OR9Q1: variants seen among roughly 807,000 people sequenced by gnomAD.
OR9Q1 encodes the protein olfactory receptor family 9 subfamily Q member 1.
For synonymous variants in OR9Q1, 153 were observed against 148.6 expected (o/e 1.03, Z -0.22); for missense variants, 374 against 378.8 (o/e 0.99, Z 0.11).
At chr11:58,135,467 C>T (rs1854180955) in intron 2 of OR9Q1, among the ~76,000 whole-genome samples, 1 of 152,260 alleles carries the variant, frequency 6.6e-6, no homozygotes, top group Non-Finnish European at 1.5e-5. Context: ...TGAATAGCAG[C>T]CAAGGCATCT....
intron 2 of OR9Q1, among the ~76,000 whole-genome samples, chr11:58,070,012 T>A (rs1853471309): frequency 6.6e-6 from 1 of 151,948 alleles, no homozygotes; most frequent in Non-Finnish European, 1.5e-5. Context: ...TTATTTTTAT[T>A]TTGATTTGAG....
chr11:58,098,516 A>G, intron 2 of OR9Q1, among the ~76,000 whole-genome samples: 1 of 152,090 alleles, frequency 6.6e-6, no homozygotes, highest in East Asian at 1.9e-4. Flanking sequence ...TTGGAGTTTT[A>G]AAAATCTATT....
At chr11:58,115,227 G>A (rs560339699) in intron 2 of OR9Q1, among the ~76,000 whole-genome samples, 13 of 152,164 alleles carry the variant, frequency 8.5e-5, no homozygotes, top group Non-Finnish European at 1.3e-4. Context: ...ATTGATATAC[G>A]TATGCACTGT....
chr11:58,106,159 CTT>C (rs34637003), intron 2 of OR9Q1, among the ~76,000 whole-genome samples: 5 of 144,456 alleles, frequency 3.5e-5, no homozygotes, highest in Admixed American at 6.9e-5. Flanking sequence ...CATTTGCTAT[CTT>C]TTTTTTTTTT....
intron 2 of OR9Q1, among the ~76,000 whole-genome samples, chr11:58,140,990 A>G (rs1367251478): frequency 6.6e-6 from 1 of 152,138 alleles, no homozygotes; most frequent in East Asian, 1.9e-4. Flanking sequence ...TTCTCCTTGA[A>G]GAGGTCCTTC....
At chr11:58,061,600 C>T (rs534508861) in intron 2 of OR9Q1, among the ~76,000 whole-genome samples, 4 of 152,324 alleles carry the variant, frequency 2.6e-5, no homozygotes, top group South Asian at 2.1e-4. Context: ...TCTAGCTCTT[C>T]GGCTTCCCAG....
chr11:58,139,214 A>C (rs1322046883), intron 2 of OR9Q1, among the ~76,000 whole-genome samples: 1 of 152,104 alleles, frequency 6.6e-6, no homozygotes, highest in Non-Finnish European at 1.5e-5. Flanking sequence ...GATAAAAAGG[A>C]GGATAATCTT....
intron 2 of OR9Q1, among the ~76,000 whole-genome samples, chr11:58,135,186 G>T (rs1201847614): frequency 6.6e-6 from 1 of 152,148 alleles, no homozygotes; most frequent in East Asian, 1.9e-4. Flanking sequence ...TGCTGGTTCT[G>T]CCTTTCTGCT....
intron 2 of OR9Q1, among the ~76,000 whole-genome samples, chr11:58,148,905 A>G (rs969841291): frequency 1.4e-4 from 22 of 152,204 alleles, no homozygotes; most frequent in Admixed American, 1.4e-3. Flanking sequence ...TGGACATTAT[A>G]CAATTCGTCC....
intron 1 of OR9Q1, among the ~76,000 whole-genome samples, chr11:58,030,213 C>T (rs1203235976): frequency 1.3e-5 from 2 of 152,162 alleles, no homozygotes; most frequent in Non-Finnish European, 1.5e-5. Flanking sequence ...TGCTTCTCTG[C>T]TTATAATTCT....
chr11:58,046,981 G>A (rs1311362348), intron 1 of OR9Q1, among the ~76,000 whole-genome samples: 3 of 152,290 alleles, frequency 2.0e-5, no homozygotes, highest in Non-Finnish European at 4.4e-5. Context: ...GCTCAGCATC[G>A]ATTGCCTATT....
intron 2 of OR9Q1, among the ~76,000 whole-genome samples, chr11:58,080,324 A>C (rs1853576144): frequency 6.6e-6 from 1 of 152,056 alleles, no homozygotes; most frequent in African/African-American, 2.4e-5. Flanking sequence ...ACATGATTTT[A>C]TTCTTTCTTA....
Position 58,140,429 on chromosome 11 carries a change from G to T in OR9Q1, c.-14-39002G>T, listed in dbSNP as rs1244660151. On this transcript the variant is annotated intron_variant, in intron 2 of 2. Coordinates refer to ENST00000335397, the MANE Select transcript of OR9Q1 (RefSeq NM_001005212.4). The stretch of plus-strand genomic sequence containing the variant: ...GTTTTTATGGTTTTAGGTCTAACAT[G>T]TAAGTCTTTAATTCATCTTGAATTA... 3.3e-5 allele frequency among the ~76,000 whole-genome samples: 5 copies of T among 152,154 alleles called. No homozygotes were observed. In the East Asian group the frequency reaches 7.8e-4, roughly 24 times the overall value.
intron 2 of OR9Q1, among the ~76,000 whole-genome samples, chr11:58,084,137 G>A (rs1853613935): frequency 6.6e-6 from 1 of 151,704 alleles, no homozygotes; most frequent in African/African-American, 2.4e-5. Flanking sequence ...ATTTCTTTCA[G>A]GAGTGTTTTG....
intron 2 of OR9Q1, among the ~76,000 whole-genome samples, chr11:58,179,012 AAGAGAGAG>A (rs71061582): frequency 3.0e-5 from 4 of 132,454 alleles, no homozygotes; most frequent in African/African-American, 5.6e-5. Context: ...GAAAGAAAGA[AAGAGAGAG>A]AGAGAGAGAG....
chr11:58,104,657 C>G (rs1853822904), intron 2 of OR9Q1, among the ~76,000 whole-genome samples: 1 of 152,234 alleles, frequency 6.6e-6, no homozygotes, highest in East Asian at 1.9e-4. Context: ...CAATGCAACA[C>G]TTTTCTTTTA....
At chr11:58,025,134 G>T (rs1852958946) in intron 1 of OR9Q1, among the ~76,000 whole-genome samples, 1 of 152,156 alleles carries the variant, frequency 6.6e-6, no homozygotes, top group Non-Finnish European at 1.5e-5. Flanking sequence ...AAGCCAGATG[G>T]TATCAGCCCA....
intron 2 of OR9Q1, among the ~76,000 whole-genome samples, chr11:58,065,775 G>A (rs757732456): frequency 3.9e-5 from 6 of 152,228 alleles, no homozygotes; most frequent in African/African-American, 9.6e-5. Context: ...GAGACCCAGA[G>A]AGAGAAAAGG....
At chr11:58,069,141 CCATGCCTCACACATGGGAGACT>C (rs1853462260) in intron 2 of OR9Q1, among the ~76,000 whole-genome samples, 2 of 110,746 alleles carry the variant, frequency 1.8e-5, no homozygotes, top group Admixed American at 2.3e-4. Flanking sequence ...TCAAGTGAGT[CCATGCCTCACACATGGGAGACT>C]CCATGCCTCA....
Sources: gnomAD v4.1 joint callset for allele counts (sites outside exome capture counted in the v4.1 genomes callset) on GRCh38, gnomAD v4.1.1 for gene constraint, MANE v1.5 for transcripts, NCBI Gene and HGNC (gene_info 2026-07-23, HGNC 2026-07-21) for gene names.